IWS1: variants seen among roughly 807,000 people sequenced by gnomAD.
IWS1 encodes interacts with SUPT6H, CTD assembly factor 1, also known as protein IWS1 homolog.
A neutral mutation model predicts 86.7 loss-of-function variants in IWS1; 27 were observed. The ratio of observed to expected loss-of-function variants is 0.31; its 90% CI spans 0.23 to 0.43. The LOEUF (loss-of-function observed/expected upper bound fraction) is 0.43, where lower values mean the gene tolerates loss of function less well. Ranked by LOEUF, IWS1 falls within the 20% of genes least tolerant of loss-of-function variation. IWS1 has a pLI of 1.00. For missense variants in IWS1, 827 were observed against 1,000.8 expected (o/e 0.83, Z 2.34); for synonymous variants, 313 against 335.1 (o/e 0.93, Z 0.72).
chr2:127,481,039 C>A lies in IWS1; in HGVS notation c.*5G>T, dbSNP rs1689597290. 5 of 1,603,402 alleles carry A rather than the reference C, an allele frequency of 3.1e-6. No homozygotes were observed. The African/African-American group carries it at 6.7e-5, about 22-fold the overall frequency. Reference sequence around the variant, plus strand: ...AGTAGAGATGGGGACACATTCCAGGCAAGGTCACAATGGCATTTTGTTGCC... The same window carrying A: ...AGTAGAGATGGGGACACATTCCAGGAAAGGTCACAATGGCATTTTGTTGCC... On this transcript the variant is annotated 3_prime_UTR_variant, in exon 14 of 14. Coordinates refer to ENST00000295321, the MANE Select transcript of IWS1 (RefSeq NM_017969.3).
At chr2:127,508,253 A>C (rs1455296725) in intron 2 of IWS1, among the ~76,000 whole-genome samples, 1 of 152,194 alleles carries the variant, frequency 6.6e-6, no homozygotes, top group Admixed American at 6.5e-5. Flanking sequence ...GAGCCAGCCA[A>C]GCATACTGTA....
In IWS1 at chr2:127,508,993, T is replaced by G. The variant is rs191289203; in HGVS notation, c.151-3241A>C. On this transcript the variant is annotated intron_variant, in intron 2 of 13. Transcript: ENST00000295321. ...CAAGGACACTGCATAAGACAATGAT[T>G]GTAAAATTTAGGAATCCTCATGAAT... Among the ~76,000 whole-genome samples, 450 of 152,292 alleles carry G rather than the reference T, an allele frequency of 3.0e-3. 2 individuals are homozygous for G. The highest frequency in any genetic ancestry group is 4.7e-3 in the Non-Finnish European group (323 of 68,024).
rs147643409 is a variant in IWS1 at position 127,507,772 on chromosome 2, A to G, written c.151-2020T>C. On this transcript the variant is annotated intron_variant, in intron 2 of 13. Coordinates refer to ENST00000295321, the MANE Select transcript of IWS1 (RefSeq NM_017969.3). ...ACATACACACACTAGGTAGAGTTCG[A>G]GCATTCCTAATCTGAAAATTCAGAC... Among the ~76,000 whole-genome samples, 1,178 of 152,306 alleles carry G rather than the reference A, an allele frequency of 7.7e-3. 20 individuals are homozygous for G. Among genetic ancestry groups the G allele is most frequent in the African/African-American group, 0.027 (1,124 of 41,560 alleles).
Position 127,489,942 on chromosome 2 carries a change from A to G in IWS1, c.2049T>C (p.Asn683=). The change falls in exon 11 of 14, where the codon AAT becomes AAC. Residue 683 remains asparagine (N), a splice_region_variant and synonymous_variant. Transcript: ENST00000295321. This position sits in a 1 kb window ranked among gnomAD's most constrained non-coding sequence, Gnocchi z 4.8. ...SNKDMAGKLI[N]EWSRPIFGLT... ...GACCAAATATAGGCCTAGACCACTC[A>G]TCTGTAGTAAGAAAAAAATCAATTA... is the stretch of plus-strand genomic sequence containing the variant. 3.3e-6 allele frequency: 5 copies of G among 1,497,498 alleles called. No homozygotes were observed. The highest frequency in any genetic ancestry group is 4.6e-6 in the Non-Finnish European group (5 of 1,080,774). The allele number at this position is 1,497,498 out of a possible 1,614,324, so 92.8% of individuals were successfully genotyped here. A position where few individuals can be genotyped will look rare whatever the true frequency, so the allele number is the denominator to read the frequency against.
intron 3 of IWS1, among the ~76,000 whole-genome samples, chr2:127,504,381 T>C (rs1456288923): frequency 6.6e-6 from 1 of 152,142 alleles, no homozygotes; most frequent in Non-Finnish European, 1.5e-5. Context: ...GTAAACGTAT[T>C]TCTTTGAAAC....
At chr2:127,483,378 G>A (rs1485045655) in intron 13 of IWS1, among the ~76,000 whole-genome samples, 5 of 151,760 alleles carry the variant, frequency 3.3e-5, no homozygotes, top group South Asian at 4.2e-4. Flanking sequence ...ATCCCAGCAC[G>A]CTGGGAGGTC....
At chr2:127,496,905 A>G (rs1267916312) in intron 6 of IWS1, among the ~76,000 whole-genome samples, 1 of 152,110 alleles carries the variant, frequency 6.6e-6, no homozygotes, top group Non-Finnish European at 1.5e-5. Context: ...CAACTTTTCT[A>G]TGTTTAGATA....
chr2:127,515,944 G>A (rs1356067769), intron 2 of IWS1, among the ~76,000 whole-genome samples: 1 of 152,200 alleles, frequency 6.6e-6, no homozygotes, highest in Admixed American at 6.5e-5. Flanking sequence ...AAAGACTGCA[G>A]TTGAGAAGTG....
chr2:127,491,991 T>C lies in IWS1; in HGVS notation c.2027A>G (p.Asp676Gly). The C allele has an allele frequency of 1.2e-6, 2 of 1,611,170 alleles. No homozygotes were observed. Among genetic ancestry groups the C allele is most frequent in the Non-Finnish European group, 1.7e-6 (2 of 1,177,322 alleles). ...CATACTGATTAATTTCCCTGCCATG[T>C]CCTTGTTAGACCTTGACTCCTTGGG... ...KHPKESRSNK[D>G]MAGKLINEWS... Residue 676 changes from aspartate to glycine, a missense_variant, in exon 10 of 14, where the codon GAC becomes GGC. By Grantham distance (94) the Asp-to-Gly change is moderately conservative. Coordinates refer to ENST00000295321, the MANE Select transcript of IWS1 (RefSeq NM_017969.3).
At chr2:127,507,034 T>G (rs936920909) in intron 2 of IWS1, among the ~76,000 whole-genome samples, 13 of 152,218 alleles carry the variant, frequency 8.5e-5, no homozygotes, top group Non-Finnish European at 1.5e-5. Flanking sequence ...AAAAATTTAC[T>G]GAGCCAAATA....
intron 2 of IWS1, among the ~76,000 whole-genome samples, chr2:127,521,734 A>T (rs1470832430): frequency 6.6e-6 from 1 of 152,246 alleles, no homozygotes; most frequent in Non-Finnish European, 1.5e-5. Context: ...GCAACATCGC[A>T]AAGTTGAAAA....
At chr2:127,509,924 T>A (rs183157786) in intron 2 of IWS1, among the ~76,000 whole-genome samples, 216 of 152,300 alleles carry the variant, frequency 1.4e-3, no homozygotes, top group Non-Finnish European at 2.4e-3. Context: ...AAAACTGCTA[T>A]AAATCAAATA....
chr2:127,525,874 C>CA (rs1462382386), intron 1 of IWS1, among the ~76,000 whole-genome samples: 1 of 152,242 alleles, frequency 6.6e-6, no homozygotes, highest in Non-Finnish European at 1.5e-5. Context: ...ACTGAAAACT[C>CA]TCTTAACAGA....
At chr2:127,510,004 C>T (rs1481798938) in intron 2 of IWS1, among the ~76,000 whole-genome samples, 3 of 152,144 alleles carry the variant, frequency 2.0e-5, no homozygotes, top group Admixed American at 6.5e-5. Flanking sequence ...ACCCAAATAA[C>T]TCAGGACACT....
At chr2:127,523,945 A>G in intron 1 of IWS1, among the ~76,000 whole-genome samples, 154 bp from the exon 2 acceptor site, 1 of 152,250 alleles carries the variant, frequency 6.6e-6, no homozygotes, top group East Asian at 1.9e-4. Context: ...AGGTAATACA[A>G]TACTCATACA....
intron 10 of IWS1, chr2:127,490,787 CAA>C (rs1216534279): frequency 1.3e-5 from 2 of 152,070 alleles, no homozygotes; most frequent in Non-Finnish European, 2.9e-5. Flanking sequence ...ATAAAAGCAC[CAA>C]AAGTTTATTA....
chr2:127,498,733 AAGTATGAG>A (rs1170753150), intron 5 of IWS1: 1 of 152,416 alleles, frequency 6.6e-6, no homozygotes, highest in South Asian at 2.1e-4. Flanking sequence ...TCTCTCCAGC[AAGTATGAG>A]GACTCCTGTT....
At chr2:127,520,905 T>C (rs764812115) in intron 2 of IWS1, among the ~76,000 whole-genome samples, 3 of 152,222 alleles carry the variant, frequency 2.0e-5, no homozygotes, top group Admixed American at 6.5e-5. Flanking sequence ...ATTACGCTTA[T>C]TGAGAATCTT....
At chr2:127,490,052 T>C in intron 10 of IWS1, 109 bp from the exon 11 acceptor site, 2 of 703,334 alleles carry the variant, frequency 2.8e-6, no homozygotes, top group Non-Finnish European at 5.1e-6. Context: ...AGAATATTCT[T>C]TCCTTGAAGA....
Sources: allele counts gnomAD v4.1 joint callset (sites outside exome capture counted in the v4.1 genomes callset), GRCh38; gene constraint gnomAD v4.1.1; non-coding constraint Gnocchi (gnomAD v3.1); transcripts MANE v1.5; gene names NCBI Gene and HGNC (gene_info 2026-07-23, HGNC 2026-07-21).